AOPEP: variants seen among roughly 807,000 people sequenced by gnomAD.
AOPEP encodes the protein aminopeptidase O (putative).
Under a neutral mutation model 98.1 loss-of-function variants are expected in AOPEP, and 77 were observed. That is an observed-to-expected ratio of 0.78 (90% confidence interval 0.65 to 0.95). The LOEUF (loss-of-function observed/expected upper bound fraction) is 0.95, where lower values mean the gene tolerates loss of function less well. Among genes scored for constraint, AOPEP ranks in the 40% least tolerant of loss-of-function variants. AOPEP has a pLI of 0.00. For synonymous variants in AOPEP, 346 were observed against 365.3 expected (o/e 0.95, Z 0.60); for missense variants, 1,024 against 1,024.7 (o/e 1.00, Z 0.01).
chr9:95,004,226 G>A (rs905412330), intron 11 of AOPEP: 5 of 456,416 alleles, frequency 1.1e-5, no homozygotes, highest in African/African-American at 2.0e-5. Context: ...AACTGCTGAT[G>A]CGGATGAGAA....
At chr9:94,940,948 G>A (rs923842484) in intron 7 of AOPEP, among the ~76,000 whole-genome samples, 2 of 151,992 alleles carry the variant, frequency 1.3e-5, no homozygotes, top group African/African-American at 4.8e-5. Flanking sequence ...AAGTATAATT[G>A]GCTGGAATGT....
intron 7 of AOPEP, among the ~76,000 whole-genome samples, chr9:94,953,900 G>T (rs1396818266): frequency 6.6e-6 from 1 of 152,100 alleles, no homozygotes; most frequent in African/African-American, 2.4e-5. Context: ...ATCTTTACTA[G>T]ATGGCCCAAA....
the AOPEP span, among the ~76,000 whole-genome samples, chr9:95,120,062 T>G: frequency 3.3e-5 from 5 of 152,268 alleles, no homozygotes; most frequent in South Asian, 1.0e-3. Flanking sequence ...TTTCCTATGG[T>G]TAGTGCTTCT....
chr9:95,066,203 C>T (rs775112954), intron 14 of AOPEP, among the ~76,000 whole-genome samples: 3 of 152,250 alleles, frequency 2.0e-5, no homozygotes, highest in East Asian at 1.9e-4. Flanking sequence ...AAAGTCAGGA[C>T]GGTCTGTCTC....
chr9:95,005,531 T>G lies in AOPEP; in HGVS notation c.2041-11T>G. 1 of 1,613,118 alleles carries G rather than the reference T, an allele frequency of 6.2e-7. No homozygotes were observed. Among genetic ancestry groups the G allele is most frequent in the Non-Finnish European group, 8.5e-7 (1 of 1,179,258 alleles). On this transcript the variant is annotated splice_polypyrimidine_tract_variant and intron_variant, in intron 12 of 16. Transcript: ENST00000375315. ...CGCCTTCTTTGAAATGCTGTGGTTT[T>G]TGAACCTCAGGTCACGAAATGGATT...
At chr9:94,974,451 T>C (rs1413963534) in intron 10 of AOPEP, among the ~76,000 whole-genome samples, 1 of 152,224 alleles carries the variant, frequency 6.6e-6, no homozygotes, top group Non-Finnish European at 1.5e-5. Flanking sequence ...GAGTAATGGT[T>C]ATAAGATGCT....
chr9:94,861,532 C>CA (rs953196547), intron 5 of AOPEP, among the ~76,000 whole-genome samples: 1 of 152,190 alleles, frequency 6.6e-6, no homozygotes, highest in Non-Finnish European at 1.5e-5. Flanking sequence ...CAACGACTTC[C>CA]ATGACAACAG....
At chr9:94,939,198 A>T (rs938216063) in intron 7 of AOPEP, among the ~76,000 whole-genome samples, 3 of 151,084 alleles carry the variant, frequency 2.0e-5, no homozygotes, top group Admixed American at 2.0e-4. Context: ...CAGTGAGCCG[A>T]GATCATGCCA....
In AOPEP at chr9:95,070,890, A is replaced by G. The variant is rs541917667; in HGVS notation, c.2233-9804A>G. Among the ~76,000 whole-genome samples, 71 of 152,358 alleles carry G rather than the reference A, an allele frequency of 4.7e-4. No individual in the cohort carries two copies. The South Asian group carries it at 0.014, about 31-fold the overall frequency. ...TGCTGGATGAGCTGTGGCCACAGCA[A>G]TGCCATCTAGTGTCACAGCAGATTT... On this transcript the variant is annotated intron_variant, in intron 14 of 16. Coordinates refer to ENST00000375315, the MANE Select transcript of AOPEP (RefSeq NM_001193329.3).
the AOPEP span, among the ~76,000 whole-genome samples, chr9:95,113,348 GA>G: frequency 6.6e-6 from 1 of 152,196 alleles, no homozygotes; most frequent in African/African-American, 2.4e-5. Context: ...GAACAAATAA[GA>G]TAGTCTTAGT....
At chr9:94,871,931 TG>T (rs1426222081) in intron 5 of AOPEP, among the ~76,000 whole-genome samples, 1 of 151,952 alleles carries the variant, frequency 6.6e-6, no homozygotes, top group Non-Finnish European at 1.5e-5. Context: ...CATCTGAGCT[TG>T]GGGAGGTCGA....
intron 9 of AOPEP, among the ~76,000 whole-genome samples, chr9:94,963,248 A>G (rs1320513740): frequency 6.6e-6 from 1 of 152,152 alleles, no homozygotes; most frequent in Non-Finnish European, 1.5e-5. Context: ...TGCTAGCCCC[A>G]TGTAATAGTC....
chr9:95,077,719 C>T (rs948415646), intron 14 of AOPEP, among the ~76,000 whole-genome samples: 5 of 152,106 alleles, frequency 3.3e-5, no homozygotes, highest in Admixed American at 6.5e-5. Context: ...TGAAGCCCCT[C>T]GGTGGTCTGG....
In AOPEP at chr9:94,773,115, T is replaced by C. The variant is rs984607151; in HGVS notation, c.911T>C (p.Phe304Ser). 1 of 1,614,124 alleles carries C rather than the reference T, an allele frequency of 6.2e-7. No homozygotes were observed. The highest frequency in any genetic ancestry group is 8.5e-7 in the Non-Finnish European group (1 of 1,180,020). Residue 304 changes from phenylalanine to serine, a missense_variant, in exon 3 of 17, where the codon TTT (phenylalanine) becomes TCT (serine). This residue lies in a region of AOPEP where 440 missense variants were observed against 433.8 expected (regional missense o/e 1.01). Coordinates refer to ENST00000375315, the MANE Select transcript of AOPEP (RefSeq NM_001193329.3). The stretch of plus-strand genomic sequence containing the variant: ...GCTACAGTTCGAGCAGCTGCATCTT[T>C]TGTTGTTTTAATGAGTGGGGAAAAT... ...WQATVRAAAS[F>S]VVLMSGENSA...
Position 94,800,849 on chromosome 9 carries a change from C to T in AOPEP, c.1211C>T (p.Ala404Val), listed in dbSNP as rs1303149313. 2 of 1,614,206 alleles carry T rather than the reference C, an allele frequency of 1.2e-6. No individual in the cohort carries two copies. Among genetic ancestry groups the T allele is most frequent in the African/African-American group, 1.3e-5 (1 of 75,050 alleles). The change falls in exon 5 of 17, where the codon GCC becomes GTC. Residue 404 changes from alanine (A) to valine (V), a missense_variant. Transcript: ENST00000375315. ...TQEIIPHRVF[A>V]PVCLTGACQE... ...GAGATCATTCCTCATCGGGTCTTTG[C>T]CCCTGTGTGCCTCACGGGTGCCTGC...
rs759569751 is a variant in AOPEP at position 94,800,877 on chromosome 9, A to G, written c.1239A>G (p.Gln413=). ...FAPVCLTGAC[Q]ETLLRLIPPC... ...CTGTGTGCCTCACGGGTGCCTGCCA[A>G]GAGACCCTTCTGCGGCTGATCCCTC... The change falls in exon 5 of 17, where the codon CAA becomes CAG. Residue 413 remains glutamine, a synonymous_variant. Coordinates refer to ENST00000375315, the MANE Select transcript of AOPEP (RefSeq NM_001193329.3). 13 of 1,613,996 alleles carry G rather than the reference A, an allele frequency of 8.1e-6. No homozygotes were observed. The highest frequency in any genetic ancestry group is 1.3e-5 in the African/African-American group (1 of 75,022).
intron 10 of AOPEP, among the ~76,000 whole-genome samples, chr9:94,969,608 CG>C (rs1236382402): frequency 6.6e-6 from 1 of 151,964 alleles, no homozygotes; most frequent in Non-Finnish European, 1.5e-5. Flanking sequence ...GGGGTTTCAC[CG>C]TGTTAGCCAG....
At chr9:95,003,703 T>C (rs1272157602) in intron 11 of AOPEP, among the ~76,000 whole-genome samples, 1 of 152,226 alleles carries the variant, frequency 6.6e-6, no homozygotes, top group East Asian at 1.9e-4. Context: ...CAGTCTATAC[T>C]AAAAGATATA....
At chr9:94,802,708 G>A (rs1006287585) in intron 5 of AOPEP, among the ~76,000 whole-genome samples, 26 of 152,140 alleles carry the variant, frequency 1.7e-4, no homozygotes, top group Non-Finnish European at 2.9e-5. Flanking sequence ...CAGGAGAACC[G>A]TATATTCAAA....
Sources: gnomAD v4.1 joint callset for allele counts (sites outside exome capture counted in the v4.1 genomes callset) on GRCh38, gnomAD v4.1.1 for gene constraint, gnomAD v4.1.1 regional missense constraint, MANE v1.5 for transcripts, NCBI Gene and HGNC (gene_info 2026-07-23, HGNC 2026-07-21) for gene names.